The following DPH6 variants were observed in gnomAD, a reference collection of about 807,000 sequenced individuals.
The protein encoded by DPH6 is diphthamine biosynthesis 6, also known as diphthine--ammonia ligase.
A neutral mutation model predicts 38.2 loss-of-function variants in DPH6; 33 were observed. The ratio of observed to expected loss-of-function variants is 0.86; its 90% confidence interval spans 0.65 to 1.15. The LOEUF (loss-of-function observed/expected upper bound fraction) is 1.15. DPH6 is among the 50% of genes most tolerant of loss of function. DPH6 has a pLI of 0.00. For missense variants in DPH6, 325 were observed against 320.0 expected, an observed-to-expected ratio of 1.02 and a Z score of -0.12; for synonymous variants, 108 against 103.0, an observed-to-expected ratio of 1.05 and a Z score of -0.30.
the DPH6 span, among the ~76,000 whole-genome samples, chr15:35,157,046 C>T: frequency 6.6e-6 from 1 of 152,136 alleles, no homozygotes; most frequent in Non-Finnish European, 1.5e-5. Flanking sequence ...AGAATCATTA[C>T]ACAATCTGTT....
intron 3 of DPH6, among the ~76,000 whole-genome samples, chr15:35,236,305 C>T (rs1329970044): frequency 2.0e-5 from 3 of 152,052 alleles, no homozygotes; most frequent in African/African-American, 7.2e-5. Flanking sequence ...CCATGAAACC[C>T]CTTAAAGGAA....
chr15:35,158,965 C>G, the DPH6 span, among the ~76,000 whole-genome samples: 5 of 152,016 alleles, frequency 3.3e-5, no homozygotes, highest in Admixed American at 6.6e-5. Context: ...AATAGAGAGA[C>G]ACTCACTGGT....
At chr15:35,223,541 C>T (rs2051456768) in intron 3 of DPH6, among the ~76,000 whole-genome samples, 1 of 152,122 alleles carries the variant, frequency 6.6e-6, no homozygotes, top group Non-Finnish European at 1.5e-5. Context: ...AAAAAATTAA[C>T]CAGGCACGGT....
At chr15:35,422,426 T>C (rs769230300) in intron 5 of DPH6, among the ~76,000 whole-genome samples, 5 of 151,980 alleles carry the variant, frequency 3.3e-5, no homozygotes, top group African/African-American at 4.8e-5. Flanking sequence ...ATTAGCTTTA[T>C]TGAGATATAG....
intron 6 of DPH6, among the ~76,000 whole-genome samples, chr15:35,402,553 C>T (rs1413900470): frequency 6.6e-6 from 1 of 152,032 alleles, no homozygotes; most frequent in Non-Finnish European, 1.5e-5. Flanking sequence ...TTTAATAGTG[C>T]AATTTGTATT....
chr15:35,175,390 G>C, the DPH6 span, among the ~76,000 whole-genome samples: 3 of 152,164 alleles, frequency 2.0e-5, no homozygotes, highest in African/African-American at 7.2e-5. Flanking sequence ...CACAGCAACA[G>C]CTCTTCTCTG....
At chr15:35,354,011 G>T (rs1343890427) in intron 3 of DPH6, among the ~76,000 whole-genome samples, 2 of 152,128 alleles carry the variant, frequency 1.3e-5, no homozygotes, top group Non-Finnish European at 2.9e-5. Context: ...TTATAAGTTG[G>T]ATTCCTAGGT....
At chr15:35,279,218 A>G (rs561947325) in intron 3 of DPH6, among the ~76,000 whole-genome samples, 2 of 151,924 alleles carry the variant, frequency 1.3e-5, no homozygotes, top group East Asian at 3.9e-4. Flanking sequence ...CCACCATTGT[A>G]TCTTGGGAGT....
chr15:35,260,494 T>A (rs1023381796), intron 3 of DPH6, among the ~76,000 whole-genome samples: 2 of 150,586 alleles, frequency 1.3e-5, no homozygotes, highest in African/African-American at 4.8e-5. Context: ...AATTAAATAA[T>A]TTATTATTTA....
the DPH6 span, among the ~76,000 whole-genome samples, chr15:35,178,872 C>A: frequency 6.6e-6 from 1 of 152,024 alleles, no homozygotes; most frequent in African/African-American, 2.4e-5. Flanking sequence ...TGTACCCCAA[C>A]CAGCTAGTAT....
intron 3 of DPH6, among the ~76,000 whole-genome samples, chr15:35,483,570 T>C (rs1595404218): frequency 6.6e-6 from 1 of 152,066 alleles, no homozygotes; most frequent in East Asian, 1.9e-4. Context: ...ATAGTGAAGA[T>C]AATGGGAGGA....
At chr15:35,483,716 C>T (rs1595404360) in intron 3 of DPH6, among the ~76,000 whole-genome samples, 1 of 152,168 alleles carries the variant, frequency 6.6e-6, no homozygotes, top group Non-Finnish European at 1.5e-5. Flanking sequence ...AATGAAAACA[C>T]ATGTCCACAT....
intron 5 of DPH6, among the ~76,000 whole-genome samples, chr15:35,442,138 A>G (rs571152408): frequency 1.4e-4 from 21 of 152,282 alleles, no homozygotes; most frequent in African/African-American, 5.1e-4. Flanking sequence ...CACACATTTG[A>G]TAAGAGACTT....
chr15:35,538,445 G>C lies in DPH6; in HGVS notation c.141C>G (p.Ser47Arg). The C allele has an allele frequency of 6.4e-7, 1 of 1,560,664 alleles. No individual in the cohort carries two copies. Among genetic ancestry groups the C allele is most frequent in the Admixed American group, 1.7e-5 (1 of 59,010 alleles). The change falls in exon 3 of 9, where the codon AGC (serine) becomes AGG (arginine). Residue 47 changes from serine (S) to arginine (R), a missense_variant. By Grantham distance (110) the Ser-to-Arg change is moderately radical. Coordinates refer to ENST00000256538, the MANE Select transcript of DPH6 (RefSeq NM_080650.4). ...GGTGCCCCACTGTCTGATACATGTAGCTATCCAGTTCATCAGACCCCACTG... is the reference window on the plus strand; with the variant it reads ...GGTGCCCCACTGTCTGATACATGTACCTATCCAGTTCATCAGACCCCACTG... ...ENQVGSDELD[S>R]YMYQTVGHHA...
At chr15:35,372,391 G>C (rs769053870) in intron 8 of DPH6, 188 bp from the exon 9 acceptor site, 40 of 414,480 alleles carry the variant, frequency 9.7e-5, no homozygotes, top group Non-Finnish European at 1.5e-4. Flanking sequence ...ACAACGAGGT[G>C]AACAGTGAGC....
At chr15:35,307,540 G>A (rs1446717629) in intron 3 of DPH6, among the ~76,000 whole-genome samples, 1 of 151,842 alleles carries the variant, frequency 6.6e-6, no homozygotes, top group African/African-American at 2.4e-5. Context: ...GATATCGTTG[G>A]GTTAACTAAC....
At chr15:35,239,007 C>A (rs954477684) in intron 3 of DPH6, among the ~76,000 whole-genome samples, 7 of 145,342 alleles carry the variant, frequency 4.8e-5, no homozygotes, top group Admixed American at 3.7e-4. Context: ...AAATAAACAG[C>A]CATGTTGCTC....
intron 3 of DPH6, among the ~76,000 whole-genome samples, chr15:35,346,857 C>G (rs989241009): frequency 6.6e-6 from 1 of 151,900 alleles, no homozygotes; most frequent in Admixed American, 6.6e-5. Context: ...ATATTTATTC[C>G]TTGTTCCATA....
At position 35,372,257 on chromosome 15, in the gene DPH6, T is replaced by C. The variant is rs762521826; in HGVS notation, c.751-54A>G. On this transcript the variant is annotated intron_variant, in intron 8 of 8. Coordinates refer to ENST00000256538, the MANE Select transcript of DPH6 (RefSeq NM_080650.4). ...GAAAATGCACCATATTTATTCAGTG[T>C]CAGTGAATATGACACTTCAAAGATG... The C allele has an allele frequency of 1.0e-5, 14 of 1,339,058 alleles. No homozygotes were observed. The South Asian group carries it at 2.1e-4, about 21-fold the overall frequency. 82.9% of individuals were successfully genotyped at this position (1,339,058 alleles called of 1,614,324 possible). A position where few individuals can be genotyped will look rare whatever the true frequency, so the allele number is the denominator to read the frequency against.
Sources: allele counts gnomAD v4.1 joint callset (sites outside exome capture counted in the v4.1 genomes callset), GRCh38; gene constraint gnomAD v4.1.1; transcripts MANE v1.5; gene names NCBI Gene and HGNC (gene_info 2026-07-23, HGNC 2026-07-21).